The following AMER1 variants were observed in gnomAD, a reference collection of about 807,000 sequenced individuals.
The protein encoded by AMER1 is APC membrane recruitment protein 1.
In AMER1, 16 loss-of-function variants were observed where a neutral mutation model predicts 53.0. The observed-to-expected ratio is 0.30, with a 90% confidence interval of 0.20 to 0.46. The LOEUF (loss-of-function observed/expected upper bound fraction) is 0.46. AMER1 is among the 20% of genes least tolerant of loss of function. The pLI, the probability that AMER1 is intolerant of heterozygous loss-of-function variation, is 1.00. For synonymous variants in AMER1, 354 were observed against 331.9 expected, an observed-to-expected ratio of 1.07 and a Z score of -0.73; for missense variants, 947 against 884.9, an observed-to-expected ratio of 1.07 and a Z score of -0.89.
chrX:64,204,235 G>A (rs1478758977), intron 1 of AMER1, among the ~76,000 whole-genome samples: 1 of 113,588 alleles, frequency 8.8e-6, no homozygotes, highest in Non-Finnish European at 1.9e-5. Flanking sequence ...CAACAGTGCA[G>A]TGCCCTCTGC....
In AMER1 at chrX:64,189,793, A is replaced by AGGGGGGGGGGCCCCCCC; in HGVS notation, c.*85_*86insGGGGGGGCCCCCCCCCC. On this transcript the variant is annotated 3_prime_UTR_variant, in exon 2 of 2. Transcript: ENST00000374869. Reference sequence around the variant, plus strand: ...CAAAGGGTTTTCAAGTTAAACAACAACCCCCACCCCCCCACCCTTCTGCCC... The same window carrying AGGGGGGGGGGCCCCCCC: ...CAAAGGGTTTTCAAGTTAAACAACAAGGGGGGGGGGCCCCCCCCCCCCACCCCCCCACCCTTCTGCCC... The AGGGGGGGGGGCCCCCCC allele has an allele frequency of 3.4e-6, 1 of 292,070 alleles. No homozygotes were observed. Among genetic ancestry groups the AGGGGGGGGGGCCCCCCC allele is most frequent in the Non-Finnish European group, 4.9e-6 (1 of 204,830 alleles). 24.1% of individuals were successfully genotyped at this position (292,070 alleles called of 1,213,427 possible). A position where few individuals can be genotyped will look rare whatever the true frequency, so the allele number is the denominator to read the frequency against.
rs2147086239 is a variant in AMER1, at chrX:64,190,912, G to C, written c.2375C>G (p.Ser792Cys). ...GAGGTTTTGAGTGAAAGATGAGTCAGAGTCAGAGCTGCAGGACATGCTGGA... is the reference window on the plus strand; with the variant it reads ...GAGGTTTTGAGTGAAAGATGAGTCACAGTCAGAGCTGCAGGACATGCTGGA... ...LFSSMSCSSD[S>C]DSSFTQNLPE... is the part of the protein sequence containing the mutation. Residue 792 changes from serine (S) to cysteine (C), a missense_variant, in exon 2 of 2, where the codon TCT (serine) becomes TGT (cysteine). Coordinates refer to ENST00000374869, the MANE Select transcript of AMER1 (RefSeq NM_152424.4). 8.3e-7 allele frequency: 1 copy of C among 1,211,527 alleles called. No homozygotes were observed. Among genetic ancestry groups the C allele is most frequent in the Middle Eastern group, 2.3e-4 (1 of 4,353 alleles).
intron 1 of AMER1, among the ~76,000 whole-genome samples, chrX:64,197,859 T>C (rs1296092431): frequency 8.9e-6 from 1 of 112,815 alleles, no homozygotes; most frequent in Non-Finnish European, 1.9e-5. Context: ...AGTGCCTACC[T>C]CTTAAGGCTA....
intron 1 of AMER1, among the ~76,000 whole-genome samples, chrX:64,198,906 T>C (rs1930431436): frequency 8.9e-6 from 1 of 112,569 alleles, no homozygotes; most frequent in South Asian, 3.7e-4. Flanking sequence ...AGATGCAGAA[T>C]TTGAGCTATT....
chrX:64,186,220 C>A lies in AMER1; in HGVS notation c.*3659G>T. The A allele has an allele frequency of 8.4e-7, 1 of 1,187,036 alleles. No homozygotes were observed. On this transcript the variant is annotated 3_prime_UTR_variant, in exon 2 of 2. Coordinates refer to ENST00000374869, the MANE Select transcript of AMER1 (RefSeq NM_152424.4). ...GGAGGGAACGGACAGTGTGGTACAGCTAAGGTAGGGAGAGGGGAAAGAGGG... is the reference window on the plus strand; with the variant it reads ...GGAGGGAACGGACAGTGTGGTACAGATAAGGTAGGGAGAGGGGAAAGAGGG...
chrX:64,196,514 C>T (rs1446834355), intron 1 of AMER1, among the ~76,000 whole-genome samples: 1 of 112,258 alleles, frequency 8.9e-6, no homozygotes, highest in African/African-American at 3.2e-5. Flanking sequence ...GTGTTAAAGG[C>T]TGTTCATTTG....
chrX:64,190,133 G>A lies in AMER1; in HGVS notation c.3154C>T (p.Leu1052=), dbSNP rs2147084419. ...QSMRARPRDV[L]LPVDEPSCSS... ...CAACTGGGCTCATCAACAGGCAGCA[G>A]CACATCTCGAGGCCTGGCCCTCATG... Residue 1052 remains leucine, a synonymous_variant, in exon 2 of 2, where the codon CTG becomes TTG. Transcript: ENST00000374869. 1.7e-6 allele frequency: 2 copies of A among 1,208,243 alleles called. No individual in the cohort carries two copies. Among genetic ancestry groups the A allele is most frequent in the Middle Eastern group, 2.3e-4 (1 of 4,347 alleles).
chrX:64,200,474 A>G (rs1474316573), intron 1 of AMER1, among the ~76,000 whole-genome samples: 3 of 112,213 alleles, frequency 2.7e-5, no homozygotes, highest in Non-Finnish European at 5.6e-5. Flanking sequence ...AGAACTCTGG[A>G]ATTGAATTGC....
intron 1 of AMER1, among the ~76,000 whole-genome samples, chrX:64,196,721 G>A (rs891267735): frequency 1.8e-5 from 2 of 111,990 alleles, no homozygotes; most frequent in Non-Finnish European, 1.9e-5. Flanking sequence ...GTTTCTCTCC[G>A]TCCAGTTCAG....
chrX:64,192,521 T>C lies in AMER1; in HGVS notation c.766A>G (p.Lys256Glu), dbSNP rs2147089816. 8.3e-7 allele frequency: 1 copy of C among 1,205,845 alleles called. No individual in the cohort carries two copies. The highest frequency in any genetic ancestry group is 1.1e-6 in the Non-Finnish European group (1 of 893,600). The change falls in exon 2 of 2, where the codon AAA (lysine) becomes GAA (glutamate). Residue 256 changes from lysine (K) to glutamate (E), a missense_variant. By Grantham distance (56) the Lys-to-Glu change is moderately conservative. Coordinates refer to ENST00000374869, the MANE Select transcript of AMER1 (RefSeq NM_152424.4). ...SPPATEKMAC[K>E]DPEKPMEACA... Reference sequence around the variant, plus strand: ...GCCTCCATGGGTTTTTCTGGATCTTTACAGGCCATTTTCTCAGTAGCTGGT... The same window carrying C: ...GCCTCCATGGGTTTTTCTGGATCTTCACAGGCCATTTTCTCAGTAGCTGGT...
chrX:64,195,249 A>T (rs886175447), intron 1 of AMER1, among the ~76,000 whole-genome samples: 3 of 111,749 alleles, frequency 2.7e-5, no homozygotes, highest in African/African-American at 9.8e-5. Flanking sequence ...TCATGTCTGA[A>T]TGCCCCACTT....
At chrX:64,198,042 C>T (rs995673671) in intron 1 of AMER1, among the ~76,000 whole-genome samples, 2 of 112,210 alleles carry the variant, frequency 1.8e-5, no homozygotes, top group Admixed American at 1.9e-4. Flanking sequence ...CCCTAGGGCT[C>T]TGTGGGTAAG....
chrX:64,186,335 C>A lies in AMER1; in HGVS notation c.*3544G>T. 1.0e-6 allele frequency: 1 copy of A among 975,224 alleles called. No homozygotes were observed. The highest frequency in any genetic ancestry group is 4.7e-5 in the South Asian group (1 of 21,443). The allele number at this position is 975,224 out of a possible 1,213,427, so 80.4% of individuals were successfully genotyped here. On this transcript the variant is annotated 3_prime_UTR_variant, in exon 2 of 2. Transcript: ENST00000374869. ...GTTTTGTTTAAAACTGTAAACAGCA[C>A]CGCTTAAAAATAAATCAGAAAAGAA...
In AMER1 at chrX:64,191,337, G is replaced by A. The variant is rs752232441; in HGVS notation, c.1950C>T (p.Pro650=). ...VRETQARQEK[P]VLEYQMRPLG... ...AGGGCCTCATCTGATACTCTAAGAC[G>A]GGCTTCTCCTGCCGGGCCTGGGTCT... The change falls in exon 2 of 2, where the codon CCC becomes CCT. Residue 650 remains proline (P), a synonymous_variant. Coordinates refer to ENST00000374869, the MANE Select transcript of AMER1 (RefSeq NM_152424.4). 1.7e-5 allele frequency: 20 copies of A among 1,209,708 alleles called. No homozygotes were observed. The highest frequency in any genetic ancestry group is 2.3e-4 in the Middle Eastern group (1 of 4,371).
chrX:64,197,216 G>A (rs1930391580), intron 1 of AMER1, among the ~76,000 whole-genome samples: 1 of 112,597 alleles, frequency 8.9e-6, no homozygotes, highest in African/African-American at 3.2e-5. Flanking sequence ...TGGGCTGGGG[G>A]TTAAGAGAAC....
Position 64,189,793 on chromosome X carries a change from A to ACGGGGGCCCCCCCCCCCCCCCCC in AMER1, c.*85_*86insGGGGGGGGGGGGGGGGGCCCCCG. On this transcript the variant is annotated 3_prime_UTR_variant, in exon 2 of 2. Transcript: ENST00000374869. ...CAAAGGGTTTTCAAGTTAAACAACA[A>ACGGGGGCCCCCCCCCCCCCCCCC]CCCCCACCCCCCCACCCTTCTGCCC... is the stretch of plus-strand genomic sequence containing the variant. 1 of 292,071 alleles carries ACGGGGGCCCCCCCCCCCCCCCCC rather than the reference A, an allele frequency of 3.4e-6. No homozygotes were observed. Among genetic ancestry groups the ACGGGGGCCCCCCCCCCCCCCCCC allele is most frequent in the East Asian group, 1.7e-4 (1 of 5,962 alleles). 24.1% of individuals were successfully genotyped at this position (292,071 alleles called of 1,213,427 possible).
Position 64,188,859 on chromosome X carries a change from C to T in AMER1, c.*1020G>A. The T allele has an allele frequency of 1.9e-5, 15 of 806,786 alleles. No individual in the cohort carries two copies. The highest frequency in any genetic ancestry group is 2.2e-5 in the Non-Finnish European group (15 of 671,759). The allele number at this position is 806,786 out of a possible 1,213,427, so 66.5% of individuals were successfully genotyped here. ...TTAGGTTGCTTCTCTTCCCTTATCT[C>T]AATTAAAAGACCGTGTTCCTTGTGA... On this transcript the variant is annotated 3_prime_UTR_variant, in exon 2 of 2. Transcript: ENST00000374869.
At chrX:64,195,752 T>C (rs985472214) in intron 1 of AMER1, among the ~76,000 whole-genome samples, 3 of 112,696 alleles carry the variant, frequency 2.7e-5, no homozygotes, top group African/African-American at 9.7e-5. Context: ...GGTCCCTGGT[T>C]CCAAAAAGGT....
chrX:64,189,784 T>A lies in AMER1; in HGVS notation c.*95A>T. ...TCCTTGGCCCAAAGGGTTTTCAAGT[T>A]AAACAACAACCCCCACCCCCCCACC... is the stretch of plus-strand genomic sequence containing the variant. On this transcript the variant is annotated 3_prime_UTR_variant, in exon 2 of 2. Coordinates refer to ENST00000374869, the MANE Select transcript of AMER1 (RefSeq NM_152424.4). The A allele has an allele frequency of 9.5e-7, 1 of 1,055,949 alleles. No homozygotes were observed. The highest frequency in any genetic ancestry group is 4.1e-5 in the East Asian group (1 of 24,418). 87.0% of individuals were successfully genotyped at this position (1,055,949 alleles called of 1,213,427 possible). A position where few individuals can be genotyped will look rare whatever the true frequency, so the allele number is the denominator to read the frequency against.
Sources: allele counts gnomAD v4.1 joint callset (sites outside exome capture counted in the v4.1 genomes callset), GRCh38; gene constraint gnomAD v4.1.1; transcripts MANE v1.5; gene names NCBI Gene and HGNC (gene_info 2026-07-23, HGNC 2026-07-21).